TUSC3: variants seen among roughly 807,000 people sequenced by gnomAD.
TUSC3 encodes tumor suppressor candidate 3.
TUSC3 carries 45 observed loss-of-function variants against 44.8 expected under a neutral mutation model. The ratio of observed to expected loss-of-function variants is 1.00; its 90% CI spans 0.79 to 1.29. The LOEUF is 1.29. Among genes scored for constraint, TUSC3 ranks in the 50% most tolerant of loss-of-function variants. The pLI, the probability that TUSC3 is intolerant of heterozygous loss-of-function variation, is 0.00. For synonymous variants in TUSC3, 212 were observed against 152.9 expected (o/e 1.39, Z -2.85); for missense variants, 519 against 437.9 (o/e 1.19, Z -1.65).
Position 15,579,150 on chromosome 8 carries a change from A to C in TUSC3, c.138+38582A>C, listed in dbSNP as rs1413466956. ...TGATATTAGTTTGTATTTCTGTGGG[A>C]TTGGTGGTGATATCCCCTTTATCAT... On this transcript the variant is annotated intron_variant, in intron 1 of 10. Coordinates refer to ENST00000503731, the MANE Select transcript of TUSC3 (RefSeq NM_006765.4). Among the ~76,000 whole-genome samples the C allele has an allele frequency of 6.6e-5, 10 of 151,508 alleles. No individual in the cohort carries two copies. In the East Asian group the frequency reaches 1.6e-3, roughly 24 times the overall value.
At chr8:15,431,823 G>GTT (rs1467466665) in intron 1 of TUSC3, among the ~76,000 whole-genome samples, 1 of 57,834 alleles carries the variant, frequency 1.7e-5, no homozygotes, top group Non-Finnish European at 5.6e-5. Flanking sequence ...ACCTTATTAT[G>GTT]TTGAGGTACT....
chr8:15,606,848 T>A (rs1011404592), intron 1 of TUSC3, among the ~76,000 whole-genome samples: 1 of 152,106 alleles, frequency 6.6e-6, no homozygotes, highest in Non-Finnish European at 1.5e-5. Flanking sequence ...ATGTTACCAA[T>A]GCATAGCCAT....
rs193244290 is a variant in TUSC3, at chr8:15,613,562, T to C, written c.139-9518T>C. 3.8e-3 allele frequency among the ~76,000 whole-genome samples: 576 copies of C among 152,270 alleles called. 1 individual carries two copies. The highest frequency in any genetic ancestry group is 5.4e-3 in the Non-Finnish European group (366 of 68,012). The stretch of plus-strand genomic sequence containing the variant: ...TCTCTTGCCTGCTGCCATGTTAAGA[T>C]GTCCCTTTGCTGTTCTTCGTCTTCT... On this transcript the variant is annotated intron_variant, in intron 1 of 10. Transcript: ENST00000503731.
the TUSC3 span, among the ~76,000 whole-genome samples, chr8:15,835,734 G>A: frequency 1.3e-5 from 2 of 152,104 alleles, no homozygotes; most frequent in Admixed American, 6.6e-5. Context: ...AGTGTGTATG[G>A]GGGATGTATG....
At chr8:15,621,636 A>C (rs935145378) in intron 1 of TUSC3, among the ~76,000 whole-genome samples, 1 of 147,924 alleles carries the variant, frequency 6.8e-6, no homozygotes, top group Admixed American at 6.8e-5. Context: ...TATATAGATA[A>C]ATCTATATAG....
Position 15,629,467 on chromosome 8 carries a change from C to G in TUSC3, c.308+6218C>G, listed in dbSNP as rs1040069999. On this transcript the variant is annotated intron_variant, in intron 2 of 10. Transcript: ENST00000503731. ...CAAATATTTTTCAAGAAAAATTATTCAAATTATATTTCTGAGTAATAAATG... is the reference window on the plus strand; with the variant it reads ...CAAATATTTTTCAAGAAAAATTATTGAAATTATATTTCTGAGTAATAAATG... Among the ~76,000 whole-genome samples the G allele has an allele frequency of 7.3e-5, 11 of 150,782 alleles. 1 individual carries two copies. The highest frequency in any genetic ancestry group is 6.6e-4 in the Admixed American group (10 of 15,144).
chr8:15,666,932 C>A (rs190606180), intron 5 of TUSC3, among the ~76,000 whole-genome samples: 1 of 151,314 alleles, frequency 6.6e-6, no homozygotes, highest in African/African-American at 2.4e-5. Flanking sequence ...ATATCTAATT[C>A]TTAATTTTCT....
the TUSC3 span, among the ~76,000 whole-genome samples, chr8:15,831,399 T>G: frequency 2.0e-5 from 3 of 152,162 alleles, no homozygotes; most frequent in Non-Finnish European, 1.5e-5. Flanking sequence ...GAGTACCTTC[T>G]TTCCTCCAAA....
At chr8:15,724,690 G>C (rs1479514776) in intron 6 of TUSC3, among the ~76,000 whole-genome samples, 1 of 152,106 alleles carries the variant, frequency 6.6e-6, no homozygotes, top group African/African-American at 2.4e-5. Context: ...CATTGCCCTT[G>C]TTCTGGCAGG....
At chr8:15,599,770 A>G (rs28653185) in intron 1 of TUSC3, among the ~76,000 whole-genome samples, 2,858 of 143,754 alleles carry the variant, frequency 0.02, 83 homozygotes, top group African/African-American at 0.069. Context: ...ATTCTGTACT[A>G]TTGATCTGTT....
At chr8:15,717,737 T>G (rs4240181) in intron 6 of TUSC3, among the ~76,000 whole-genome samples, 1 of 151,964 alleles carries the variant, frequency 6.6e-6, no homozygotes, top group African/African-American at 2.4e-5. Flanking sequence ...TTCTTCATTT[T>G]GTACCATGTA....
intron 1 of TUSC3, among the ~76,000 whole-genome samples, chr8:15,461,389 C>G (rs1377062406): frequency 6.6e-6 from 1 of 151,972 alleles, no homozygotes; most frequent in Non-Finnish European, 1.5e-5. Flanking sequence ...AATTTTGTAT[C>G]CAGAAACTTT....
At chr8:15,562,344 C>T (rs114285722) in intron 1 of TUSC3, among the ~76,000 whole-genome samples, 3 of 152,096 alleles carry the variant, frequency 2.0e-5, no homozygotes, top group East Asian at 1.9e-4. Flanking sequence ...CGCAATTTAT[C>T]TTTCCATCCG....
chr8:15,734,825 G>C (rs1350561645), intron 7 of TUSC3, among the ~76,000 whole-genome samples: 1 of 152,144 alleles, frequency 6.6e-6, no homozygotes, highest in Non-Finnish European at 1.5e-5. Context: ...CAATCAAAAT[G>C]ACAGCAAATA....
chr8:15,535,822 C>T (rs918579008), upstream of TUSC3, among the ~76,000 whole-genome samples: 1 of 152,078 alleles, frequency 6.6e-6, no homozygotes, highest in South Asian at 2.1e-4. Flanking sequence ...TAGGAGATGA[C>T]GTGTTGGGAG....
At chr8:15,705,007 C>G (rs1274081918) in intron 6 of TUSC3, among the ~76,000 whole-genome samples, 3 of 150,856 alleles carry the variant, frequency 2.0e-5, no homozygotes, top group African/African-American at 7.3e-5. Flanking sequence ...CTAGGTTTTT[C>G]TCTGTGGCAT....
intron 1 of TUSC3, among the ~76,000 whole-genome samples, chr8:15,449,364 C>G (rs1470483029): frequency 2.6e-5 from 4 of 152,088 alleles, no homozygotes; most frequent in Middle Eastern, 3.2e-3. Context: ...TTTTTTGACC[C>G]TCTGATGTCA....
intron 1 of TUSC3, among the ~76,000 whole-genome samples, chr8:15,461,878 C>G (rs1309767504): frequency 1.3e-5 from 2 of 151,722 alleles, no homozygotes; most frequent in African/African-American, 4.8e-5. Flanking sequence ...TTAAAATTTA[C>G]TAAACTACGT....
At chr8:15,431,473 ATTGT>A (rs1220334408) in intron 1 of TUSC3, among the ~76,000 whole-genome samples, 1 of 151,392 alleles carries the variant, frequency 6.6e-6, no homozygotes, top group African/African-American at 2.4e-5. Context: ...TCCTTTACAA[ATTGT>A]TTGTTGTTAG....
Sources: gnomAD v4.1 joint callset for allele counts (sites outside exome capture counted in the v4.1 genomes callset) on GRCh38, gnomAD v4.1.1 for gene constraint, MANE v1.5 for transcripts, NCBI Gene and HGNC (gene_info 2026-07-23, HGNC 2026-07-21) for gene names.